TACC2: variants seen among roughly 807,000 people sequenced by gnomAD.
TACC2 encodes the protein transforming acidic coiled-coil containing protein 2, also known as transforming acidic coiled-coil-containing protein 2.
TACC2 carries 137 observed loss-of-function variants against 227.3 expected under a neutral mutation model. That is an observed-to-expected ratio of 0.60 (90% CI 0.52 to 0.69). The LOEUF (loss-of-function observed/expected upper bound fraction) is 0.69. Among genes scored for constraint, TACC2 ranks in the 30% least tolerant of loss-of-function variants. The pLI is 0.00. For synonymous variants in TACC2, 1,523 were observed against 1,487.5 expected, an observed-to-expected ratio of 1.02 and a Z score of -0.55; for missense variants, 3,470 against 3,694.4, an observed-to-expected ratio of 0.94 and a Z score of 1.57.
chr10:122,093,014 C>T (rs1382036559), intron 5 of TACC2, among the ~76,000 whole-genome samples: 2 of 151,844 alleles, frequency 1.3e-5, no homozygotes, highest in Non-Finnish European at 2.9e-5. Context: ...TCAGATGTGT[C>T]GTTCTGGATT....
At chr10:122,020,458 A>T (rs1381737792) in intron 1 of TACC2, among the ~76,000 whole-genome samples, 1 of 152,090 alleles carries the variant, frequency 6.6e-6, no homozygotes, top group East Asian at 1.9e-4. Context: ...AGGCATTTTA[A>T]TTGGGCCTGT....
In TACC2 at chr10:122,210,971, T is replaced by G. The variant is rs1381295430; in HGVS notation, c.6546T>G (p.Gly2182=). 5 of 1,613,448 alleles carry G rather than the reference T, an allele frequency of 3.1e-6. No individual in the cohort carries two copies. Among genetic ancestry groups the G allele is most frequent in the Non-Finnish European group, 4.2e-6 (5 of 1,179,848 alleles). The change falls in exon 9 of 23, where the codon GGT becomes GGG. Residue 2182 remains glycine, a synonymous_variant. Transcript: ENST00000369005. The surrounding 1 kb of genome is among the most constrained non-coding windows in gnomAD (Gnocchi z 4.6). ...ETKTESAKTE[G]PSPALLEETP... ...AAACGGAATCTGCCAAGACGGAAGG[T>G]CCTAGCCCAGCCTTATTGGAGGAGA... is the stretch of plus-strand genomic sequence containing the variant.
chr10:122,100,263 CAA>C (rs369379710), intron 5 of TACC2, among the ~76,000 whole-genome samples: 65 of 107,132 alleles, frequency 6.1e-4, no homozygotes, highest in East Asian at 4.7e-3. Context: ...GACTCTGTCT[CAA>C]AAAAAAAAAA....
At chr10:122,033,478 C>T (rs1332465162) in intron 2 of TACC2, among the ~76,000 whole-genome samples, 1 of 152,194 alleles carries the variant, frequency 6.6e-6, no homozygotes, top group Non-Finnish European at 1.5e-5. Context: ...CCTCCAAACT[C>T]TTCTACTTTG....
Position 122,087,767 on chromosome 10 carries a change from C to T in TACC2, c.5267C>T (p.Pro1756Leu), listed in dbSNP as rs764442622. The T allele has an allele frequency of 1.7e-5, 27 of 1,607,942 alleles. No homozygotes were observed. The highest frequency in any genetic ancestry group is 5.6e-5 in the South Asian group (5 of 89,864). The change falls in exon 4 of 23, where the codon CCG becomes CTG. Residue 1756 changes from proline to leucine, a missense_variant. Coordinates refer to ENST00000369005, the MANE Select transcript of TACC2 (RefSeq NM_206862.4). ...GACCCAGCCTGCTCTGACAAGGCTC[C>T]GGGGATGGAGGGTACAGCTGCCCTT... ...CQDPACSDKAPGMEGTAALHG... is the reference protein window; with the variant it reads ...CQDPACSDKALGMEGTAALHG...
At chr10:122,139,357 C>T (rs1004000937) in intron 6 of TACC2, among the ~76,000 whole-genome samples, 17 of 152,278 alleles carry the variant, frequency 1.1e-4, no homozygotes, top group African/African-American at 3.6e-4. Flanking sequence ...GGCTGGTGCT[C>T]GAATGCTGGT....
intron 5 of TACC2, among the ~76,000 whole-genome samples, chr10:122,096,823 C>T (rs896534501): frequency 6.6e-6 from 1 of 152,186 alleles, no homozygotes; most frequent in African/African-American, 2.4e-5. Context: ...GAGGAACAGG[C>T]CCCAGCTTAC....
chr10:122,143,452 G>A, intron 6 of TACC2, 120 bp from the exon 7 acceptor site: 1 of 1,094,612 alleles, frequency 9.1e-7, no homozygotes, highest in Non-Finnish European at 1.3e-6. Context: ...CCAAGTGCTG[G>A]GGTTTAAAGA....
chr10:121,990,828 C>G (rs1952998567), intron 1 of TACC2, among the ~76,000 whole-genome samples: 1 of 152,106 alleles, frequency 6.6e-6, no homozygotes, highest in Non-Finnish European at 1.5e-5. Flanking sequence ...CGCTGTGTTA[C>G]CCAGGCTGGA....
chr10:122,132,082 G>GGA (rs1555059268), intron 5 of TACC2, among the ~76,000 whole-genome samples: 1 of 136,094 alleles, frequency 7.3e-6, no homozygotes, highest in African/African-American at 2.9e-5. Context: ...AAGAAAGAAA[G>GGA]AGAAAGATCT....
At chr10:122,040,445 C>T (rs1278302312) in intron 2 of TACC2, among the ~76,000 whole-genome samples, 1 of 152,156 alleles carries the variant, frequency 6.6e-6, no homozygotes, top group African/African-American at 2.4e-5. Context: ...AGCCCACAGC[C>T]CCAAATCCTG....
intron 16 of TACC2, among the ~76,000 whole-genome samples, chr10:122,233,405 G>C (rs2095796425): frequency 6.6e-6 from 1 of 152,180 alleles, no homozygotes; most frequent in African/African-American, 2.4e-5. Flanking sequence ...GGTTCCTTAG[G>C]AACAAGGCCA....
intron 7 of TACC2, among the ~76,000 whole-genome samples, chr10:122,156,881 T>C (rs2092519909): frequency 6.6e-6 from 1 of 152,234 alleles, no homozygotes; most frequent in African/African-American, 2.4e-5. Flanking sequence ...CCCAGCACTT[T>C]GGGAGGATCA....
At chr10:122,217,022 C>A in intron 11 of TACC2, 194 bp downstream of exon 11, 1 of 1,189,208 alleles carries the variant, frequency 8.4e-7, no homozygotes, top group Non-Finnish European at 1.2e-6. Flanking sequence ...AAGCAGCTGT[C>A]CCTTGACCCA....
chr10:122,140,049 G>C (rs1315222594), intron 6 of TACC2, among the ~76,000 whole-genome samples: 1 of 152,220 alleles, frequency 6.6e-6, no homozygotes, highest in East Asian at 1.9e-4. Context: ...GGATCTGCAG[G>C]GCTGTCGGGC....
chr10:122,017,305 G>T (rs1246900619), intron 1 of TACC2, among the ~76,000 whole-genome samples: 1 of 152,130 alleles, frequency 6.6e-6, no homozygotes, highest in East Asian at 1.9e-4. Flanking sequence ...ACAGATGGAA[G>T]ATTGCACATG....
At chr10:122,228,500 C>G (rs1314899889) in intron 14 of TACC2, among the ~76,000 whole-genome samples, 2 of 152,176 alleles carry the variant, frequency 1.3e-5, no homozygotes, top group Non-Finnish European at 2.9e-5. Flanking sequence ...ACCCCCCAGT[C>G]CCTGCACAGC....
chr10:122,155,395 C>T (rs1019947907), intron 7 of TACC2, among the ~76,000 whole-genome samples: 1 of 152,248 alleles, frequency 6.6e-6, no homozygotes, highest in Non-Finnish European at 1.5e-5. Flanking sequence ...TGGATTAACA[C>T]ATCAACATTC....
At chr10:121,995,900 C>T (rs530288707) in intron 1 of TACC2, among the ~76,000 whole-genome samples, 88 of 151,970 alleles carry the variant, frequency 5.8e-4, no homozygotes, top group Non-Finnish European at 1.1e-3. Context: ...ACTACAGGTG[C>T]GTGCCACCAT....
Sources: gnomAD v4.1 joint callset for allele counts (sites outside exome capture counted in the v4.1 genomes callset) on GRCh38, gnomAD v4.1.1 for gene constraint, Gnocchi (gnomAD v3.1) non-coding constraint, MANE v1.5 for transcripts, NCBI Gene and HGNC (gene_info 2026-07-23, HGNC 2026-07-21) for gene names.